The following CAMTA1 variants were observed in gnomAD, a reference collection of about 807,000 sequenced individuals.
CAMTA1 encodes calmodulin-binding transcription activator 1.
Under a neutral mutation model 170.9 loss-of-function variants are expected in CAMTA1, and 27 were observed. The ratio of observed to expected loss-of-function variants is 0.16; its 90% CI spans 0.12 to 0.22. CAMTA1 has a LOEUF of 0.22. CAMTA1 is among the 10% of genes least tolerant of loss of function. The pLI, the probability that CAMTA1 is intolerant of heterozygous loss-of-function variation, is 1.00. For synonymous variants in CAMTA1, 833 were observed against 891.5 expected (o/e 0.93, Z 1.17); for missense variants, 1,619 against 2,217.2 (o/e 0.73, Z 5.42).
At chr1:6,979,923 AG>A (rs780920890) in intron 3 of CAMTA1, among the ~76,000 whole-genome samples, 7 of 152,072 alleles carry the variant, frequency 4.6e-5, no homozygotes, top group Non-Finnish European at 1.0e-4. Flanking sequence ...CAGCTGTTTG[AG>A]GGCTCAGCCC....
chr1:6,976,965 G>A (rs72638587), intron 3 of CAMTA1, among the ~76,000 whole-genome samples: 2,794 of 152,276 alleles, frequency 0.018, 26 homozygotes, highest in Non-Finnish European at 0.021. Flanking sequence ...CTTGCCTGCT[G>A]CCATGTAAGA....
intron 3 of CAMTA1, among the ~76,000 whole-genome samples, chr1:6,907,088 T>A (rs1429843228): frequency 6.6e-6 from 1 of 152,248 alleles, no homozygotes; most frequent in Non-Finnish European, 1.5e-5. Context: ...TCTCAGTATT[T>A]AAATATATGT....
At chr1:6,905,207 T>TC (rs1441591495) in intron 3 of CAMTA1, among the ~76,000 whole-genome samples, 3 of 150,404 alleles carry the variant, frequency 2.0e-5, no homozygotes, top group African/African-American at 7.4e-5. Context: ...TTTTTTTTTT[T>TC]TTTGAGACGG....
At chr1:6,880,294 C>T (rs914828757) in intron 3 of CAMTA1, among the ~76,000 whole-genome samples, 7 of 149,608 alleles carry the variant, frequency 4.7e-5, no homozygotes, top group African/African-American at 1.7e-4. Flanking sequence ...AGGTTGGTCT[C>T]GAGCTGTTGG....
chr1:7,049,588 C>G (rs1164711389), intron 3 of CAMTA1, among the ~76,000 whole-genome samples: 4 of 152,062 alleles, frequency 2.6e-5, no homozygotes, highest in Non-Finnish European at 5.9e-5. Context: ...TCCTGAGTAG[C>G]TGGGATTATA....
chr1:7,750,591 C>A (rs1362600398), intron 19 of CAMTA1, among the ~76,000 whole-genome samples: 1 of 152,240 alleles, frequency 6.6e-6, no homozygotes, highest in Admixed American at 6.5e-5. Flanking sequence ...CTGGGTCGTC[C>A]GCAGCTCTGT....
chr1:7,266,796 G>A (rs1225022572), intron 5 of CAMTA1, among the ~76,000 whole-genome samples: 1 of 152,224 alleles, frequency 6.6e-6, no homozygotes. Context: ...TTGGGGACAG[G>A]ACAGTGGATG....
chr1:7,088,068 A>G (rs1640979967), intron 3 of CAMTA1, among the ~76,000 whole-genome samples: 2 of 152,158 alleles, frequency 1.3e-5, no homozygotes, highest in African/African-American at 4.8e-5. Flanking sequence ...TAACTCAGAC[A>G]TGCTCCACCC....
chr1:7,518,408 T>C (rs1273119516), intron 6 of CAMTA1, among the ~76,000 whole-genome samples: 1 of 151,874 alleles, frequency 6.6e-6, no homozygotes, highest in Non-Finnish European at 1.5e-5. Context: ...AGGAGCCCAG[T>C]GACACCCCCA....
rs561092879 is a variant in CAMTA1 at position 6,833,974 on chromosome 1, A to T, written c.234+8764A>T. Reference sequence around the variant, plus strand: ...AGATTCGAGTCTTGGCTCTGCCGCTACTCAGCTGAGTGTTGGGTAAGGCAC... The same window carrying T: ...AGATTCGAGTCTTGGCTCTGCCGCTTCTCAGCTGAGTGTTGGGTAAGGCAC... On this transcript the variant is annotated intron_variant, in intron 3 of 22. Coordinates refer to ENST00000303635, the MANE Select transcript of CAMTA1 (RefSeq NM_015215.4). 1.5e-3 allele frequency among the ~76,000 whole-genome samples: 230 copies of T among 152,152 alleles called. 1 individual carries two copies. Among genetic ancestry groups the T allele is most frequent in the Non-Finnish European group, 2.8e-3 (191 of 67,998 alleles).
At chr1:7,147,703 A>C (rs1334693912) in intron 4 of CAMTA1, among the ~76,000 whole-genome samples, 1 of 133,634 alleles carries the variant, frequency 7.5e-6, no homozygotes, top group Non-Finnish European at 1.6e-5. Context: ...CACACACACA[A>C]ACTCAAACAT....
intron 2 of CAMTA1, among the ~76,000 whole-genome samples, chr1:6,822,136 GT>G (rs1352568119): frequency 6.6e-6 from 1 of 152,088 alleles, no homozygotes; most frequent in Non-Finnish European, 1.5e-5. Flanking sequence ...TCAACTATTT[GT>G]ATTGAATACT....
intron 6 of CAMTA1, among the ~76,000 whole-genome samples, chr1:7,485,241 G>T (rs1027480363): frequency 4.6e-5 from 7 of 152,160 alleles, no homozygotes; most frequent in Non-Finnish European, 4.4e-5. Flanking sequence ...CATAGCTGCA[G>T]TTGCCAGTTG....
At chr1:6,890,543 C>T (rs1674276900) in intron 3 of CAMTA1, among the ~76,000 whole-genome samples, 1 of 151,894 alleles carries the variant, frequency 6.6e-6, no homozygotes, top group South Asian at 2.1e-4. Flanking sequence ...GCCCACCTTG[C>T]CCACTTAGGC....
chr1:7,677,648 C>A lies in CAMTA1; in HGVS notation c.2829C>A (p.Ile943=). The A allele has an allele frequency of 6.2e-7, 1 of 1,614,160 alleles. No homozygotes were observed. The highest frequency in any genetic ancestry group is 8.5e-7 in the Non-Finnish European group (1 of 1,180,010). ...VTLQVAFNNQ[I]ISNSVVFEYK... is the part of the protein sequence containing the mutation. ...TACAAGTTGCCTTCAACAACCAGAT[C>A]ATCTCCAACTCGGTGGTGTTTGAGT... is the stretch of plus-strand genomic sequence containing the variant. The change falls in exon 11 of 23, where the codon ATC becomes ATA. Residue 943 remains isoleucine, a synonymous_variant. Transcript: ENST00000303635.
At chr1:7,328,699 A>G (rs962271689) in intron 5 of CAMTA1, among the ~76,000 whole-genome samples, 1 of 150,138 alleles carries the variant, frequency 6.7e-6, no homozygotes, top group Admixed American at 6.6e-5. Context: ...TAACTCATCA[A>G]TTCTCTCTTT....
chr1:7,508,299 C>G (rs1402474067), intron 6 of CAMTA1, among the ~76,000 whole-genome samples: 1 of 152,240 alleles, frequency 6.6e-6, no homozygotes, highest in Non-Finnish European at 1.5e-5. Flanking sequence ...GGGCCTGACT[C>G]CTGCATCCCA....
At chr1:7,623,852 C>T (rs959227370) in intron 6 of CAMTA1, among the ~76,000 whole-genome samples, 1 of 152,206 alleles carries the variant, frequency 6.6e-6, no homozygotes, top group Non-Finnish European at 1.5e-5. Flanking sequence ...CTTGATTTAC[C>T]TGCAGCCACC....
At chr1:7,254,504 G>A (rs1558313454) in intron 5 of CAMTA1, among the ~76,000 whole-genome samples, 1 of 152,210 alleles carries the variant, frequency 6.6e-6, no homozygotes, top group Non-Finnish European at 1.5e-5. Context: ...TTGCTGATGT[G>A]TTTGTATTGC....
Sources: allele counts gnomAD v4.1 joint callset (sites outside exome capture counted in the v4.1 genomes callset), GRCh38; gene constraint gnomAD v4.1.1; transcripts MANE v1.5; gene names NCBI Gene and HGNC (gene_info 2026-07-23, HGNC 2026-07-21).